SAMMSON: variants seen among roughly 807,000 people sequenced by gnomAD.
The protein encoded by SAMMSON is survival associated mitochondrial melanoma specific oncogenic non-coding RNA, also known as long intergenic non-protein coding RNA 1212.
chr3:70,390,881 G>A (rs1463926013), downstream of SAMMSON, among the ~76,000 whole-genome samples: 1 of 152,174 alleles, frequency 6.6e-6, no homozygotes, highest in Non-Finnish European at 1.5e-5. Flanking sequence ...GTGAAAGAGG[G>A]TGTATGTGTA....
chr3:70,272,858 T>TA (rs1559550781), intron 6 of SAMMSON, among the ~76,000 whole-genome samples: 1 of 151,888 alleles, frequency 6.6e-6, no homozygotes, highest in Admixed American at 6.6e-5. Context: ...GGAAGGGAAA[T>TA]AAAAAAGAGA....
intron 7 of SAMMSON, among the ~76,000 whole-genome samples, chr3:70,319,634 T>A (rs930951999): frequency 6.6e-6 from 1 of 152,084 alleles, no homozygotes; most frequent in Non-Finnish European, 1.5e-5. Flanking sequence ...AGGATAGTAG[T>A]TTTTAATGTA....
intron 4 of SAMMSON, among the ~76,000 whole-genome samples, chr3:70,175,555 G>A (rs1701002891): frequency 6.6e-6 from 1 of 151,948 alleles, no homozygotes; most frequent in South Asian, 2.1e-4. Flanking sequence ...TTGAGAAGTG[G>A]ACATATGTGA....
chr3:70,181,156 C>T (rs943261713), intron 4 of SAMMSON, among the ~76,000 whole-genome samples: 9 of 152,170 alleles, frequency 5.9e-5, no homozygotes, highest in African/African-American at 1.9e-4. Flanking sequence ...ACCATCCTCC[C>T]AGCAGCATTG....
At chr3:70,191,212 T>G (rs948399643) in intron 4 of SAMMSON, among the ~76,000 whole-genome samples, 3 of 152,222 alleles carry the variant, frequency 2.0e-5, no homozygotes, top group Non-Finnish European at 4.4e-5. Context: ...CAAAATAAGT[T>G]GTGGCTTTGT....
At chr3:70,212,123 T>A (rs1701357550) in intron 4 of SAMMSON, among the ~76,000 whole-genome samples, 1 of 152,110 alleles carries the variant, frequency 6.6e-6, no homozygotes, top group Non-Finnish European at 1.5e-5. Flanking sequence ...TAAATCTTCA[T>A]CCAGCCATCC....
At chr3:70,144,247 T>C (rs1490092337) in intron 4 of SAMMSON, among the ~76,000 whole-genome samples, 2 of 152,130 alleles carry the variant, frequency 1.3e-5, no homozygotes, top group African/African-American at 4.8e-5. Context: ...AATTGGCAAA[T>C]TGGCCTTTCC....
intron 3 of SAMMSON, among the ~76,000 whole-genome samples, chr3:70,064,508 G>A (rs565128009): frequency 6.6e-6 from 1 of 152,070 alleles, no homozygotes; most frequent in African/African-American, 2.4e-5. Flanking sequence ...ACCATCCTAG[G>A]GCTTAGCAAG....
At chr3:70,217,596 AAC>A (rs1163273068) in intron 4 of SAMMSON, among the ~76,000 whole-genome samples, 1 of 152,116 alleles carries the variant, frequency 6.6e-6, no homozygotes, top group Non-Finnish European at 1.5e-5. Context: ...GAGCTGAAAA[AAC>A]AGTTTTTCAC....
intron 8 of SAMMSON, among the ~76,000 whole-genome samples, chr3:70,355,671 A>G (rs1363435054): frequency 1.3e-5 from 2 of 152,166 alleles, no homozygotes; most frequent in African/African-American, 4.8e-5. Context: ...AAGAAAGAAA[A>G]TAGACGGCAA....
intron 8 of SAMMSON, among the ~76,000 whole-genome samples, chr3:70,357,563 A>G (rs1702838671): frequency 6.6e-6 from 1 of 152,102 alleles, no homozygotes; most frequent in African/African-American, 2.4e-5. Context: ...AGAGTGGGGA[A>G]CAACACACAC....
intron 4 of SAMMSON, among the ~76,000 whole-genome samples, chr3:70,124,836 A>AAAAAAC (rs1559519155): frequency 1.3e-5 from 2 of 148,894 alleles, no homozygotes; most frequent in African/African-American, 5.0e-5. Flanking sequence ...AAAAAAAAAA[A>AAAAAAC]AAAGAAAGAA....
At chr3:70,405,120 A>G (rs1701168494) in intron 2 of SAMMSON, among the ~76,000 whole-genome samples, 1 of 152,230 alleles carries the variant, frequency 6.6e-6, no homozygotes, top group Admixed American at 6.5e-5. Context: ...TGAACCAACT[A>G]GAGTGACATG....
At chr3:70,429,586 T>G (rs993193022) in intron 2 of SAMMSON, among the ~76,000 whole-genome samples, 5 of 152,254 alleles carry the variant, frequency 3.3e-5, no homozygotes, top group African/African-American at 1.2e-4. Context: ...ATATTGATTC[T>G]TCCTATCCAT....
chr3:70,433,770 T>C (rs919829077), intron 2 of SAMMSON, among the ~76,000 whole-genome samples: 3 of 152,160 alleles, frequency 2.0e-5, no homozygotes, highest in Non-Finnish European at 2.9e-5. Flanking sequence ...GTAATAGTTT[T>C]ATAGTTTTGC....
chr3:70,124,179 T>C (rs2067446190), intron 4 of SAMMSON, among the ~76,000 whole-genome samples: 1 of 152,216 alleles, frequency 6.6e-6, no homozygotes. Context: ...TCCCCTACCA[T>C]ATCTCTAGCA....
chr3:70,388,477 G>A (rs543743061), intron 9 of SAMMSON, among the ~76,000 whole-genome samples: 1 of 152,120 alleles, frequency 6.6e-6, no homozygotes, highest in Non-Finnish European at 1.5e-5. Context: ...TGTGATAAAT[G>A]CTATAGATTC....
At chr3:70,043,909 A>AT (rs1396651732) in intron 3 of SAMMSON, among the ~76,000 whole-genome samples, 4 of 152,084 alleles carry the variant, frequency 2.6e-5, no homozygotes, top group Non-Finnish European at 5.9e-5. Context: ...CTGTAGTATT[A>AT]TTAAAAAAAA....
At chr3:70,258,634 C>T (rs1375530321) in intron 6 of SAMMSON, among the ~76,000 whole-genome samples, 2 of 152,092 alleles carry the variant, frequency 1.3e-5, no homozygotes, top group African/African-American at 4.8e-5. Flanking sequence ...TGACTTAGCT[C>T]TCACACTACT....
Sources: allele counts gnomAD v4.1 joint callset (sites outside exome capture counted in the v4.1 genomes callset), GRCh38; gene constraint gnomAD v4.1.1; transcripts MANE v1.5; gene names NCBI Gene and HGNC (gene_info 2026-07-23, HGNC 2026-07-21).